DTNA: variants seen among roughly 807,000 people sequenced by gnomAD.
DTNA encodes the protein dystrobrevin alpha.
Under a neutral mutation model 100.7 loss-of-function variants are expected in DTNA, and 43 were observed. The ratio of observed to expected loss-of-function variants is 0.43; its 90% confidence interval spans 0.33 to 0.55. The LOEUF (loss-of-function observed/expected upper bound fraction) is 0.55, where lower values mean the gene tolerates loss of function less well. Among genes scored for constraint, DTNA ranks in the 20% least tolerant of loss-of-function variants. The pLI, the probability that DTNA is intolerant of heterozygous loss-of-function variation, is 0.04. For synonymous variants in DTNA, 349 were observed against 347.9 expected (o/e 1.00, Z -0.04); for missense variants, 798 against 953.9 (o/e 0.84, Z 2.15).
chr18:34,611,432 T>G (rs2054187783), intron 1 of DTNA, among the ~76,000 whole-genome samples: 1 of 152,230 alleles, frequency 6.6e-6, no homozygotes, highest in African/African-American at 2.4e-5. Context: ...CTATAAATCT[T>G]TATTCATATG....
chr18:34,667,087 CT>C (rs1198001483), intron 1 of DTNA, among the ~76,000 whole-genome samples: 4 of 152,156 alleles, frequency 2.6e-5, no homozygotes, highest in African/African-American at 9.7e-5. Flanking sequence ...TTTGTGTCCT[CT>C]TTTATTTCAT....
intron 1 of DTNA, among the ~76,000 whole-genome samples, chr18:34,623,149 T>C (rs536447826): frequency 3.3e-4 from 51 of 152,286 alleles, no homozygotes; most frequent in African/African-American, 1.1e-3. Context: ...ATGGAATACA[T>C]TGGAGCTGCA....
intron 1 of DTNA, among the ~76,000 whole-genome samples, chr18:34,535,521 CT>C (rs1006538727): frequency 3.2e-4 from 49 of 152,034 alleles, no homozygotes; most frequent in African/African-American, 1.2e-3. Flanking sequence ...TCAAATATGG[CT>C]TTTGTTGCAA....
chr18:34,750,119 GTCA>G (rs1484249437), intron 1 of DTNA, among the ~76,000 whole-genome samples: 4 of 152,208 alleles, frequency 2.6e-5, no homozygotes, highest in Admixed American at 2.6e-4. Context: ...TGGTAATGCT[GTCA>G]TCATATTAAA....
At chr18:34,646,346 C>T (rs184110248) in intron 1 of DTNA, among the ~76,000 whole-genome samples, 15 of 152,166 alleles carry the variant, frequency 9.9e-5, no homozygotes, top group African/African-American at 1.7e-4. Flanking sequence ...AAAATTAGGA[C>T]GATACAGCTC....
intron 1 of DTNA, among the ~76,000 whole-genome samples, chr18:34,749,487 G>A (rs1266877918): frequency 2.6e-5 from 4 of 151,770 alleles, no homozygotes; most frequent in Admixed American, 2.0e-4. Context: ...GTAGGTCCAG[G>A]TATTTGCATT....
At chr18:34,697,939 T>C (rs1358380363) in intron 1 of DTNA, among the ~76,000 whole-genome samples, 1 of 152,168 alleles carries the variant, frequency 6.6e-6, no homozygotes, top group African/African-American at 2.4e-5. Context: ...AAGAACCTCA[T>C]CATCCTCAGC....
At chr18:34,744,674 G>A (rs567016667) in intron 1 of DTNA, among the ~76,000 whole-genome samples, 2 of 152,162 alleles carry the variant, frequency 1.3e-5, no homozygotes, top group South Asian at 2.1e-4. Flanking sequence ...AGGCACTTTC[G>A]GCTCACAGGT....
chr18:34,523,851 T>G (rs2042366404), intron 1 of DTNA, among the ~76,000 whole-genome samples: 1 of 152,210 alleles, frequency 6.6e-6, no homozygotes. Context: ...ACAATCTTGC[T>G]TTCTATTTTT....
At chr18:34,870,290 A>G (rs2096752599) in intron 17 of DTNA, among the ~76,000 whole-genome samples, 1 of 152,180 alleles carries the variant, frequency 6.6e-6, no homozygotes, top group South Asian at 2.1e-4. Flanking sequence ...CAATTAAGTC[A>G]GGAAATTGTA....
intron 1 of DTNA, among the ~76,000 whole-genome samples, chr18:34,646,420 T>C (rs2059842808): frequency 6.6e-6 from 1 of 152,210 alleles, no homozygotes. Context: ...GGGCATATTT[T>C]ACATCCAGTG....
chr18:34,868,509 T>C (rs140264339), intron 17 of DTNA: 17 of 985,484 alleles, frequency 1.7e-5, no homozygotes, highest in Non-Finnish European at 2.0e-5. Flanking sequence ...ATTCTGTTTT[T>C]ATTTATGAGT....
At chr18:34,818,021 A>G in intron 7 of DTNA, 143 bp from the exon 8 acceptor site, 1 of 1,552,858 alleles carries the variant, frequency 6.4e-7, no homozygotes, top group South Asian at 1.2e-5. Context: ...GGAATGAACT[A>G]AATGTTTCTC....
At chr18:34,703,824 G>T (rs539864001) in intron 1 of DTNA, among the ~76,000 whole-genome samples, 1 of 152,074 alleles carries the variant, frequency 6.6e-6, no homozygotes, top group East Asian at 1.9e-4. Context: ...CCAAATATTC[G>T]TTTGTTGCTT....
At position 34,594,999 on chromosome 18, in the gene DTNA, A is replaced by T. The variant is rs954958453; in HGVS notation, c.-2+101485A>T. ...AATATCTGACCTTGTGACAGTTTAG[A>T]CAATTTGTTAAATGATAGTTAACCT... is the stretch of plus-strand genomic sequence containing the variant. On this transcript the variant is annotated intron_variant, in intron 1 of 19. Coordinates refer to the DTNA transcript ENST00000283365. Among the ~76,000 whole-genome samples, 3 of 152,368 alleles carry T rather than the reference A, an allele frequency of 2.0e-5. No homozygotes were observed. In the East Asian group the frequency reaches 5.8e-4, roughly 29 times the overall value.
intron 17 of DTNA, chr18:34,867,057 A>T: frequency 8.1e-7 from 1 of 1,229,436 alleles, no homozygotes. Flanking sequence ...TTTCAAGTGC[A>T]TGTACCACGC....
At chr18:34,534,994 T>C (rs1469561119) in intron 1 of DTNA, among the ~76,000 whole-genome samples, 1 of 152,186 alleles carries the variant, frequency 6.6e-6, no homozygotes, top group Non-Finnish European at 1.5e-5. Flanking sequence ...TTATAATCCT[T>C]TGGGTATATA....
intron 11 of DTNA, among the ~76,000 whole-genome samples, chr18:34,833,400 G>T (rs999805203): frequency 6.8e-6 from 1 of 146,690 alleles, no homozygotes. Flanking sequence ...AACCCATTGT[G>T]TCACTGTGTG....
At chr18:34,671,436 C>T (rs35814706) in intron 1 of DTNA, among the ~76,000 whole-genome samples, 3,782 of 152,236 alleles carry the variant, frequency 0.025, 85 homozygotes, top group Non-Finnish European at 0.039. Flanking sequence ...GAGATGAACC[C>T]GGTACCTCAT....
Sources: allele counts gnomAD v4.1 joint callset (sites outside exome capture counted in the v4.1 genomes callset), GRCh38; gene constraint gnomAD v4.1.1; transcripts MANE v1.5; gene names NCBI Gene and HGNC (gene_info 2026-07-23, HGNC 2026-07-21).